The following MEGF10 variants were observed in gnomAD, a reference collection of about 807,000 sequenced individuals.
MEGF10 encodes multiple epidermal growth factor-like domains protein 10.
MEGF10 carries 86 observed loss-of-function variants against 147.5 expected under a neutral mutation model. The ratio of observed to expected loss-of-function variants is 0.58; its 90% CI spans 0.49 to 0.70. The LOEUF is 0.70. Ranked by LOEUF, MEGF10 falls within the 30% of genes least tolerant of loss-of-function variation. MEGF10 has a pLI of 0.00. For synonymous variants in MEGF10, 478 were observed against 525.5 expected (o/e 0.91, Z 1.24); for missense variants, 1,329 against 1,487.3 (o/e 0.89, Z 1.75).
chr5:127,368,758 A>G (rs1479650221), intron 4 of MEGF10, among the ~76,000 whole-genome samples: 1 of 152,176 alleles, frequency 6.6e-6, no homozygotes, highest in Non-Finnish European at 1.5e-5. Flanking sequence ...ACACGTGTGT[A>G]TATACATATA....
chr5:127,363,540 C>T (rs1762549857), intron 4 of MEGF10, among the ~76,000 whole-genome samples: 1 of 152,128 alleles, frequency 6.6e-6, no homozygotes. Context: ...CTGTTTTCCA[C>T]ATAGGCATTT....
chr5:127,422,828 G>A, intron 13 of MEGF10, 56 bp downstream of exon 13: 1 of 1,287,746 alleles, frequency 7.8e-7, no homozygotes, highest in African/African-American at 1.5e-5. Flanking sequence ...AACACCTAGT[G>A]CTGTTCCTTA....
rs147665564 is a variant in MEGF10, at chr5:127,387,893, G to C, written c.413-8639G>C. ...TCGTGTCGTTTGCATGGAAAATTAG[G>C]CTGAGGGTTTGAGGCAGGTTAGGAG... On this transcript the variant is annotated intron_variant, in intron 5 of 24. Coordinates refer to ENST00000503335, the MANE Select transcript of MEGF10 (RefSeq NM_001256545.2). Among the ~76,000 whole-genome samples, 667 of 152,246 alleles carry C rather than the reference G, an allele frequency of 4.4e-3. 5 individuals are homozygous for C. Among genetic ancestry groups the C allele is most frequent in the African/African-American group, 0.015 (641 of 41,536 alleles).
intron 4 of MEGF10, among the ~76,000 whole-genome samples, chr5:127,345,972 T>G (rs1410358223): frequency 6.6e-6 from 1 of 152,152 alleles, no homozygotes; most frequent in African/African-American, 2.4e-5. Flanking sequence ...CCTGAGTGAC[T>G]TCACTTAGAA....
At chr5:127,356,615 A>C (rs999662518) in intron 4 of MEGF10, among the ~76,000 whole-genome samples, 1 of 152,228 alleles carries the variant, frequency 6.6e-6, no homozygotes, top group Non-Finnish European at 1.5e-5. Flanking sequence ...AAGTTAATTT[A>C]TTGTACTTAG....
chr5:127,428,504 G>A (rs1234916069), intron 13 of MEGF10, among the ~76,000 whole-genome samples: 2 of 152,008 alleles, frequency 1.3e-5, no homozygotes, highest in Non-Finnish European at 1.5e-5. Flanking sequence ...ACTACACTAC[G>A]CTACACTACA....
At chr5:127,238,998 C>T in the MEGF10 span, among the ~76,000 whole-genome samples, 4 of 152,098 alleles carry the variant, frequency 2.6e-5, no homozygotes, top group Admixed American at 6.5e-5. Flanking sequence ...GAAGGACAAA[C>T]ATCACCTATG....
chr5:127,460,170 T>A lies in MEGF10; in HGVS notation c.*2852T>A, dbSNP rs997154382. 1.3e-5 allele frequency: 2 copies of A among 152,170 alleles called. No individual in the cohort carries two copies. Among genetic ancestry groups the A allele is most frequent in the African/African-American group, 4.8e-5 (2 of 41,460 alleles). 9.4% of individuals were successfully genotyped at this position (152,170 alleles called of 1,614,324 possible). A position where few individuals can be genotyped will look rare whatever the true frequency, so the allele number is the denominator to read the frequency against. On this transcript the variant is annotated 3_prime_UTR_variant, in exon 25 of 25. Transcript: ENST00000503335. ...TTTAGAGATACTTAGCAAATGCCAT[T>A]CATATAGTATTGTTAGCCAAACTAT...
At chr5:127,434,662 C>A in intron 14 of MEGF10, 25 bp from the exon 15 acceptor site, 1 of 1,593,110 alleles carries the variant, frequency 6.3e-7, no homozygotes, top group Non-Finnish European at 8.6e-7. Context: ...AGAAGGATAA[C>A]TGCTGATTTC....
At chr5:127,414,795 C>T (rs889789312) in intron 9 of MEGF10, among the ~76,000 whole-genome samples, 5 of 152,088 alleles carry the variant, frequency 3.3e-5, no homozygotes, top group East Asian at 1.9e-4. Context: ...TTCTGGCCCT[C>T]CTGGAACTCA....
At chr5:127,405,452 AT>A (rs1764287700) in intron 8 of MEGF10, among the ~76,000 whole-genome samples, 1 of 152,070 alleles carries the variant, frequency 6.6e-6, no homozygotes, top group African/African-American at 2.4e-5. Context: ...GCTTTTGACT[AT>A]TTACTTTTTA....
At chr5:127,420,245 G>A in intron 12 of MEGF10, 38 bp downstream of exon 12, 1 of 1,603,268 alleles carries the variant, frequency 6.2e-7, no homozygotes, top group East Asian at 2.2e-5. Flanking sequence ...AAACGCCTAT[G>A]AGGAACTGAT....
intron 13 of MEGF10, among the ~76,000 whole-genome samples, chr5:127,428,343 A>G (rs1765276294): frequency 1.3e-5 from 2 of 152,160 alleles, no homozygotes; most frequent in South Asian, 4.1e-4. Flanking sequence ...CTATGCAACC[A>G]TAATGCTTGG....
At chr5:127,323,334 G>A (rs1389385552) in intron 1 of MEGF10, among the ~76,000 whole-genome samples, 1 of 152,184 alleles carries the variant, frequency 6.6e-6, no homozygotes, top group Non-Finnish European at 1.5e-5. Flanking sequence ...CATGCTAGAT[G>A]ACTATGCCTA....
At chr5:127,439,578 T>A (rs564969935) in intron 17 of MEGF10, among the ~76,000 whole-genome samples, 26 of 152,352 alleles carry the variant, frequency 1.7e-4, no homozygotes, top group South Asian at 6.2e-4. Flanking sequence ...TATCTATAAA[T>A]ATTGTTTAAC....
chr5:127,408,947 A>G (rs1764442077), intron 8 of MEGF10, among the ~76,000 whole-genome samples: 1 of 152,116 alleles, frequency 6.6e-6, no homozygotes, highest in African/African-American at 2.4e-5. Context: ...CATGGTGGCG[A>G]GTGCCTGTGG....
At chr5:127,428,141 A>ATTTTTTTTTTTTTTTTTTTTTTT (rs66935934) in intron 13 of MEGF10, among the ~76,000 whole-genome samples, 1 of 103,572 alleles carries the variant, frequency 9.7e-6, no homozygotes, top group African/African-American at 3.7e-5. Context: ...GGTGTCTGGT[A>ATTTTTTTTTTTTTTTTTTTTTTT]TTTTTTTTTT....
intron 1 of MEGF10, among the ~76,000 whole-genome samples, chr5:127,298,415 G>A (rs1443426116): frequency 6.6e-6 from 1 of 152,122 alleles, no homozygotes; most frequent in Non-Finnish European, 1.5e-5. Context: ...CTTTCAGCTG[G>A]TTCCTTAAAC....
chr5:127,268,638 C>G, the MEGF10 span, among the ~76,000 whole-genome samples: 1 of 152,238 alleles, frequency 6.6e-6, no homozygotes, highest in African/African-American at 2.4e-5. Flanking sequence ...GGCCTGCCTG[C>G]CTCTGTAGAC....
Sources: allele counts gnomAD v4.1 joint callset (sites outside exome capture counted in the v4.1 genomes callset), GRCh38; gene constraint gnomAD v4.1.1; transcripts MANE v1.5; gene names NCBI Gene and HGNC (gene_info 2026-07-23, HGNC 2026-07-21).